Variants in RNF144A observed in about 807,000 individuals in gnomAD.
RNF144A encodes E3 ubiquitin-protein ligase RNF144A.
RNF144A carries 11 observed loss-of-function variants against 38.7 expected under a neutral mutation model. That is an observed-to-expected ratio of 0.28 (90% CI 0.18 to 0.47). The LOEUF (loss-of-function observed/expected upper bound fraction) is 0.47, where lower values mean the gene tolerates loss of function less well. Among genes scored for constraint, RNF144A ranks in the 20% least tolerant of loss-of-function variants. The pLI, the probability that RNF144A is intolerant of heterozygous loss-of-function variation, is 0.99. For missense variants in RNF144A, 316 were observed against 377.2 expected (o/e 0.84, Z 1.34); for synonymous variants, 149 against 143.9 (o/e 1.04, Z -0.25).
At chr2:7,032,179 G>A (rs1159402276) in intron 8 of RNF144A, among the ~76,000 whole-genome samples, 2 of 152,228 alleles carry the variant, frequency 1.3e-5, no homozygotes, top group African/African-American at 2.4e-5. Flanking sequence ...GGCCCGGCAC[G>A]GCTTGAATCC....
Position 7,040,193 on chromosome 2 carries a change from CTG to C in RNF144A, c.*435_*436del. ...ATTATTCCAGCTTGAGAGAAGCACT[CTG>C]TTTATGACAACTGTTTTTATTACTA... On this transcript the variant is annotated 3_prime_UTR_variant, in exon 9 of 9. Transcript: ENST00000320892. The C allele has an allele frequency of 1.0e-6, 1 of 988,622 alleles. No homozygotes were observed. Among genetic ancestry groups the C allele is most frequent in the Non-Finnish European group, 1.2e-6 (1 of 832,186 alleles). The allele number at this position is 988,622 out of a possible 1,614,324, so 61.2% of individuals were successfully genotyped here. A position where few individuals can be genotyped will look rare whatever the true frequency, so the allele number is the denominator to read the frequency against.
chr2:6,973,113 C>G (rs1054227340), intron 2 of RNF144A, among the ~76,000 whole-genome samples: 1 of 152,154 alleles, frequency 6.6e-6, no homozygotes, highest in Non-Finnish European at 1.5e-5. Context: ...TTAAATGAGG[C>G]AATATACAAC....
At chr2:6,974,575 G>A (rs1236109898) in intron 2 of RNF144A, among the ~76,000 whole-genome samples, 1 of 151,400 alleles carries the variant, frequency 6.6e-6, no homozygotes, top group Non-Finnish European at 1.5e-5. Flanking sequence ...TTTTCTTATG[G>A]GAAAAAGACA....
intron 2 of RNF144A, 108 bp from the exon 3 acceptor site, chr2:6,996,808 C>G: frequency 8.9e-7 from 1 of 1,123,104 alleles, no homozygotes; most frequent in Admixed American, 2.4e-5. Flanking sequence ...CATCAGCAGT[C>G]AGTTGGCCAC....
At chr2:7,039,201 G>A (rs1022955911) in intron 8 of RNF144A, among the ~76,000 whole-genome samples, 1 of 150,628 alleles carries the variant, frequency 6.6e-6, no homozygotes, top group Non-Finnish European at 1.5e-5. Context: ...GACTAGATGG[G>A]TAGATGGATG....
chr2:6,964,290 G>C (rs1017845495), intron 2 of RNF144A, among the ~76,000 whole-genome samples: 1 of 152,208 alleles, frequency 6.6e-6, no homozygotes, highest in African/African-American at 2.4e-5. Context: ...ACACCAGTTA[G>C]AATGGCAATC....
chr2:6,954,090 C>T (rs1024660071), intron 2 of RNF144A, among the ~76,000 whole-genome samples: 12 of 151,926 alleles, frequency 7.9e-5, no homozygotes, highest in Non-Finnish European at 1.5e-4. Context: ...TCTAATTTAT[C>T]CAATTTCTTA....
chr2:7,072,321 A>C (rs1674513945), downstream of RNF144A, among the ~76,000 whole-genome samples: 1 of 152,248 alleles, frequency 6.6e-6, no homozygotes. Context: ...TGGAAAGTAG[A>C]ACTTGTAAAC....
chr2:7,001,979 G>T (rs918866467), intron 3 of RNF144A, among the ~76,000 whole-genome samples: 1 of 152,170 alleles, frequency 6.6e-6, no homozygotes, highest in Non-Finnish European at 1.5e-5. Flanking sequence ...AAAGTATTGA[G>T]CAGTAGCATG....
intron 1 of RNF144A, among the ~76,000 whole-genome samples, chr2:6,934,737 G>A (rs1665456598): frequency 6.6e-6 from 1 of 152,140 alleles, no homozygotes; most frequent in Non-Finnish European, 1.5e-5. Flanking sequence ...CTACTTAGAA[G>A]TATTTAAAGA....
In RNF144A at chr2:7,042,397, A is replaced by C; in HGVS notation, c.*2637A>C. 1.0e-6 allele frequency: 1 copy of C among 985,272 alleles called. No homozygotes were observed. Among genetic ancestry groups the C allele is most frequent in the Non-Finnish European group, 1.2e-6 (1 of 829,902 alleles). 61.0% of individuals were successfully genotyped at this position (985,272 alleles called of 1,614,324 possible). On this transcript the variant is annotated 3_prime_UTR_variant, in exon 9 of 9. Transcript: ENST00000320892. The stretch of plus-strand genomic sequence containing the variant: ...TTGTCTCCATTGAAAAATGGCATTC[A>C]CTCTTACAGATGGTGTTCACTGCAA...
chr2:6,938,231 C>T (rs1665719134), intron 1 of RNF144A, among the ~76,000 whole-genome samples: 1 of 133,756 alleles, frequency 7.5e-6, no homozygotes, highest in Non-Finnish European at 1.6e-5. Flanking sequence ...CCCTCCCCTC[C>T]CCCTCTCCCC....
chr2:7,051,859 C>G (rs2103473678), intron 6 of RNF144A, among the ~76,000 whole-genome samples: 1 of 152,270 alleles, frequency 6.6e-6, no homozygotes, highest in East Asian at 1.9e-4. Flanking sequence ...GGCTGCTCCA[C>G]TCCGGTCTGG....
intron 1 of RNF144A, among the ~76,000 whole-genome samples, chr2:6,922,062 GT>G (rs1371440292): frequency 1.3e-4 from 20 of 152,256 alleles, no homozygotes; most frequent in Admixed American, 1.2e-3. Flanking sequence ...CCTTTTCACT[GT>G]TTTGTTTTGG....
At chr2:7,017,648 CCTCT>C (rs1211854314) in intron 5 of RNF144A, among the ~76,000 whole-genome samples, 1 of 152,214 alleles carries the variant, frequency 6.6e-6, no homozygotes, top group Non-Finnish European at 1.5e-5. Context: ...CATGAATACG[CCTCT>C]GGGAGAGAAG....
chr2:6,992,216 C>T (rs1359896927), intron 2 of RNF144A, among the ~76,000 whole-genome samples: 2 of 152,232 alleles, frequency 1.3e-5, no homozygotes, highest in African/African-American at 4.8e-5. Flanking sequence ...CATTGTGCAT[C>T]ACAGTCCCTG....
chr2:6,933,441 T>C (rs1665336881), intron 1 of RNF144A, among the ~76,000 whole-genome samples: 1 of 152,226 alleles, frequency 6.6e-6, no homozygotes, highest in African/African-American at 2.4e-5. Flanking sequence ...GCTGTCTTTT[T>C]GTGGGATTTT....
At chr2:6,930,267 A>G (rs1013561627) in intron 1 of RNF144A, among the ~76,000 whole-genome samples, 4 of 152,236 alleles carry the variant, frequency 2.6e-5, no homozygotes, top group African/African-American at 7.2e-5. Flanking sequence ...AGTGAAAACA[A>G]TGGTGAGGCA....
chr2:6,937,436 A>G (rs1014716359), intron 1 of RNF144A, among the ~76,000 whole-genome samples: 15 of 152,142 alleles, frequency 9.9e-5, no homozygotes, highest in Non-Finnish European at 2.9e-5. Flanking sequence ...TCTCTTTATA[A>G]ATCTTTTTAT....
Sources: allele counts gnomAD v4.1 joint callset (sites outside exome capture counted in the v4.1 genomes callset), GRCh38; gene constraint gnomAD v4.1.1; transcripts MANE v1.5; gene names NCBI Gene and HGNC (gene_info 2026-07-23, HGNC 2026-07-21).